ARHGAP6: variants seen among roughly 807,000 people sequenced by gnomAD.
ARHGAP6 encodes rho GTPase-activating protein 6.
Under a neutral mutation model 55.7 loss-of-function variants are expected in ARHGAP6, and 16 were observed. The ratio of observed to expected loss-of-function variants is 0.29; its 90% CI spans 0.19 to 0.44. The LOEUF (loss-of-function observed/expected upper bound fraction) is 0.44. Among genes scored for constraint, ARHGAP6 ranks in the 20% least tolerant of loss-of-function variants. The pLI is 1.00. For missense variants in ARHGAP6, 698 were observed against 808.9 expected, an observed-to-expected ratio of 0.86 and a Z score of 1.66; for synonymous variants, 382 against 360.9, an observed-to-expected ratio of 1.06 and a Z score of -0.66.
chrX:11,381,077 G>A (rs1460172546), intron 1 of ARHGAP6, among the ~76,000 whole-genome samples: 1 of 112,831 alleles, frequency 8.9e-6, no homozygotes, highest in Non-Finnish European at 1.9e-5. Flanking sequence ...AAGTGAGGAT[G>A]TATTTAATCA....
At chrX:11,255,980 TG>T (rs1453127379) in intron 1 of ARHGAP6, among the ~76,000 whole-genome samples, 1 of 112,568 alleles carries the variant, frequency 8.9e-6, no homozygotes, top group African/African-American at 3.2e-5. Context: ...CAGCTACTGT[TG>T]CTCAATGATC....
intron 1 of ARHGAP6, among the ~76,000 whole-genome samples, chrX:11,274,791 C>T (rs2047736705): frequency 9.0e-6 from 1 of 110,820 alleles, no homozygotes; most frequent in Admixed American, 9.6e-5. Flanking sequence ...CCAACCCCAC[C>T]ACCGGACAGG....
chrX:11,243,235 C>G (rs1034541102), intron 2 of ARHGAP6, among the ~76,000 whole-genome samples: 5 of 111,539 alleles, frequency 4.5e-5, no homozygotes, highest in African/African-American at 1.6e-4. Context: ...CTGCTCCCCT[C>G]CACCTACTCA....
At chrX:11,447,117 C>G (rs760484149) in intron 1 of ARHGAP6, among the ~76,000 whole-genome samples, 25 of 111,846 alleles carry the variant, frequency 2.2e-4, no homozygotes, top group Admixed American at 5.7e-4. Flanking sequence ...GCGTCAGACA[C>G]GCACTTTCTC....
At chrX:11,172,953 A>G (rs1400167190) in intron 8 of ARHGAP6, among the ~76,000 whole-genome samples, 1 of 111,719 alleles carries the variant, frequency 9.0e-6, no homozygotes. Context: ...ATATCTGTTA[A>G]AAGTCTAATA....
intron 1 of ARHGAP6, among the ~76,000 whole-genome samples, chrX:11,549,457 T>A (rs1193800262): frequency 8.9e-6 from 1 of 111,909 alleles, no homozygotes; most frequent in East Asian, 2.8e-4. Flanking sequence ...AGGATCTGAA[T>A]AGACAATTCT....
At chrX:11,406,884 T>TA (rs1191901993) in intron 1 of ARHGAP6, among the ~76,000 whole-genome samples, 1 of 109,625 alleles carries the variant, frequency 9.1e-6, no homozygotes, top group Non-Finnish European at 1.9e-5. Flanking sequence ...TTTTTTTTTT[T>TA]AATAAGTAAA....
intron 1 of ARHGAP6, among the ~76,000 whole-genome samples, chrX:11,592,813 G>C (rs2051853061): frequency 2.7e-5 from 3 of 111,551 alleles, no homozygotes; most frequent in Admixed American, 1.9e-4. Flanking sequence ...TGTTAGCTCA[G>C]AGGAACCTGT....
At chrX:11,623,969 C>T (rs1205601518) in intron 1 of ARHGAP6, among the ~76,000 whole-genome samples, 1 of 111,350 alleles carries the variant, frequency 9.0e-6, no homozygotes, top group Non-Finnish European at 1.9e-5. Context: ...CACTACTTGA[C>T]TTCAAAATAT....
chrX:11,192,867 A>G (rs2046478795), intron 3 of ARHGAP6, among the ~76,000 whole-genome samples: 2 of 112,358 alleles, frequency 1.8e-5, no homozygotes, highest in African/African-American at 6.5e-5. Context: ...TTAATAAAAC[A>G]AAGTAGCTAT....
chrX:11,402,305 G>GT (rs760250008), intron 1 of ARHGAP6, among the ~76,000 whole-genome samples: 319 of 111,753 alleles, frequency 2.9e-3, no homozygotes, highest in South Asian at 6.0e-3. Context: ...TATGTGTCAA[G>GT]TTTTTTTCAC....
chrX:11,575,185 C>A (rs2051581458), intron 1 of ARHGAP6, among the ~76,000 whole-genome samples: 1 of 111,372 alleles, frequency 9.0e-6, no homozygotes, highest in Admixed American at 9.6e-5. Flanking sequence ...CTCATGGGAT[C>A]TGCCATTTTC....
intron 1 of ARHGAP6, among the ~76,000 whole-genome samples, chrX:11,433,303 G>C (rs966024222): frequency 8.9e-6 from 1 of 112,176 alleles, no homozygotes; most frequent in Admixed American, 9.4e-5. Context: ...AGTGAGGAAG[G>C]GTGAGGAAAT....
chrX:11,499,429 T>C (rs1039486819), intron 1 of ARHGAP6, among the ~76,000 whole-genome samples: 2 of 112,124 alleles, frequency 1.8e-5, no homozygotes, highest in Admixed American at 9.5e-5. Context: ...GTAGGACTTT[T>C]TTTCTATTAA....
chrX:11,150,344 A>G (rs914643070), intron 10 of ARHGAP6, among the ~76,000 whole-genome samples: 2 of 111,455 alleles, frequency 1.8e-5, no homozygotes, highest in African/African-American at 6.5e-5. Flanking sequence ...AGTTCTGCAA[A>G]GCATCCCTTA....
intron 1 of ARHGAP6, among the ~76,000 whole-genome samples, chrX:11,404,821 T>C (rs1028161542): frequency 1.8e-5 from 2 of 112,314 alleles, no homozygotes; most frequent in African/African-American, 6.5e-5. Flanking sequence ...ACATCCTGGA[T>C]AGCTCAGGGT....
At chrX:11,336,496 T>G (rs781742466) in intron 1 of ARHGAP6, among the ~76,000 whole-genome samples, 7 of 111,684 alleles carry the variant, frequency 6.3e-5, no homozygotes, top group South Asian at 3.8e-4. Context: ...AAAGATACTA[T>G]TCAAATAGAG....
At chrX:11,398,424 A>G (rs2049508196) in intron 1 of ARHGAP6, among the ~76,000 whole-genome samples, 1 of 111,316 alleles carries the variant, frequency 9.0e-6, no homozygotes, top group Admixed American at 9.6e-5. Context: ...CAGAGTTTAA[A>G]CAAATCACAA....
At chrX:11,353,541 T>C (rs1452190166) in intron 1 of ARHGAP6, among the ~76,000 whole-genome samples, 1 of 95,926 alleles carries the variant, frequency 1.0e-5, no homozygotes, top group Non-Finnish European at 2.1e-5. Flanking sequence ...GGCAACAGTA[T>C]TGCTTATAGT....
Sources: gnomAD v4.1 joint callset for allele counts (sites outside exome capture counted in the v4.1 genomes callset) on GRCh38, gnomAD v4.1.1 for gene constraint, MANE v1.5 for transcripts, NCBI Gene and HGNC (gene_info 2026-07-23, HGNC 2026-07-21) for gene names.